The following PADI2 variants were observed in gnomAD, a reference collection of about 807,000 sequenced individuals.
The protein encoded by PADI2 is peptidyl arginine deiminase 2, also known as protein-arginine deiminase type-2.
In PADI2, 70 loss-of-function variants were observed where a neutral mutation model predicts 81.1. The ratio of observed to expected loss-of-function variants is 0.86; its 90% CI spans 0.71 to 1.05. PADI2 has a LOEUF of 1.05. Ranked by LOEUF, PADI2 falls within the 50% of genes least tolerant of loss-of-function variation. The probability of loss-of-function intolerance (pLI) is 0.00; values close to 1 mark genes in which losing one functional copy is unlikely to be tolerated. For synonymous variants in PADI2, 338 were observed against 358.0 expected (o/e 0.94, Z 0.63); for missense variants, 853 against 889.9 (o/e 0.96, Z 0.53).
intron 3 of PADI2, among the ~76,000 whole-genome samples, chr1:17,100,795 G>A (rs1268736597): frequency 1.3e-5 from 2 of 151,666 alleles, no homozygotes; most frequent in Admixed American, 1.3e-4. Flanking sequence ...CTGAGTAGCT[G>A]GGACTACAGG....
rs144200280 is a variant in PADI2, at chr1:17,104,939, G to A, written c.215C>T (p.Ser72Leu). ...GGTGACCCGCAGGGTGGTGCTGGGCGAGAGAAGCCAGCGCTGCTTGCCATT... is the reference window on the plus strand; with the variant it reads ...GGTGACCCGCAGGGTGGTGCTGGGCAAGAGAAGCCAGCGCTGCTTGCCATT... Reference protein sequence around the residue: ...ATNGKQRWLLSPSTTLRVTMS... With the variant: ...ATNGKQRWLLLPSTTLRVTMS... Residue 72 changes from serine to leucine, a missense_variant, in exon 2 of 16, where the codon TCG (serine) becomes TTG (leucine). Coordinates refer to ENST00000375486, the MANE Select transcript of PADI2 (RefSeq NM_007365.3). 2,088 of 1,606,676 alleles carry A rather than the reference G, an allele frequency of 1.3e-3. 49 individuals are homozygous for A. The East Asian group carries it at 0.04, about 31-fold the overall frequency.
At position 17,082,662 on chromosome 1, in the gene PADI2, C is replaced by A; in HGVS notation, c.1051-10G>T. 1 of 1,551,502 alleles carries A rather than the reference C, an allele frequency of 6.4e-7. No homozygotes were observed. Among genetic ancestry groups the A allele is most frequent in the Non-Finnish European group, 8.8e-7 (1 of 1,134,002 alleles). On this transcript the variant is annotated splice_polypyrimidine_tract_variant and intron_variant, in intron 9 of 15. Coordinates refer to ENST00000375486, the MANE Select transcript of PADI2 (RefSeq NM_007365.3). ...CAAACTCAATTTCATCCTGCAGGGA[C>A]ACCAAGGAGAACTGTTAGACGAATC...
rs77255866 is a variant in PADI2, at chr1:17,091,842, G to A, written c.655+566C>T. On this transcript the variant is annotated intron_variant, in intron 6 of 15. Transcript: ENST00000375486. Reference sequence around the variant, plus strand: ...GGGTGTGATTGTTGTGTTTACTGCAGAGATCTCAAAGCTGAGAACAGGGCC... The same window carrying A: ...GGGTGTGATTGTTGTGTTTACTGCAAAGATCTCAAAGCTGAGAACAGGGCC... Among the ~76,000 whole-genome samples the A allele has an allele frequency of 3.8e-3, 585 of 152,244 alleles. 6 individuals carry two copies. Among genetic ancestry groups the A allele is most frequent in the African/African-American group, 0.013 (559 of 41,544 alleles).
chr1:17,089,429 C>G (rs1353614696), intron 6 of PADI2, among the ~76,000 whole-genome samples: 1 of 152,184 alleles, frequency 6.6e-6, no homozygotes, highest in Non-Finnish European at 1.5e-5. Flanking sequence ...CCAACTTGTC[C>G]TGGCAGAAGC....
chr1:17,098,524 G>C (rs754752703), intron 3 of PADI2, among the ~76,000 whole-genome samples: 4 of 152,232 alleles, frequency 2.6e-5, no homozygotes, highest in Non-Finnish European at 5.9e-5. Flanking sequence ...AAAGACAGCA[G>C]TTCCTTGTCC....
Position 17,092,485 on chromosome 1 carries a change from C to G in PADI2, c.578G>C (p.Arg193Pro). 6.2e-7 allele frequency: 1 copy of G among 1,602,202 alleles called. No homozygotes were observed. The highest frequency in any genetic ancestry group is 8.5e-7 in the Non-Finnish European group (1 of 1,175,074). Residue 193 changes from arginine to proline, a missense_variant, in exon 6 of 16, where the codon CGC becomes CCC. Arg to Pro is a moderately radical substitution (Grantham distance 103). Transcript: ENST00000375486. ...QMILRTKGPD[R>P]LPAGYEIVLY... ...AACTATCTCGTATCCGGCGGGGAGG[C>G]GGTCGGGGCCTTTGGTCCGCAGGAT...
intron 1 of PADI2, among the ~76,000 whole-genome samples, chr1:17,109,864 T>G (rs1290468291): frequency 1.3e-5 from 2 of 152,214 alleles, no homozygotes; most frequent in African/African-American, 2.4e-5. Flanking sequence ...AAAAATGTTT[T>G]ACAAGATGAT....
At position 17,119,268 on chromosome 1, in the gene PADI2, G is replaced by A. The variant is rs1232385427; in HGVS notation, c.92+12C>T. 2.0e-6 allele frequency: 3 copies of A among 1,513,536 alleles called. No individual in the cohort carries two copies. The highest frequency in any genetic ancestry group is 5.5e-5 in the East Asian group (2 of 36,558). 93.8% of individuals were successfully genotyped at this position (1,513,536 alleles called of 1,614,324 possible). A position where few individuals can be genotyped will look rare whatever the true frequency, so the allele number is the denominator to read the frequency against. On this transcript the variant is annotated intron_variant, in intron 1 of 15. Coordinates refer to ENST00000375486, the MANE Select transcript of PADI2 (RefSeq NM_007365.3). This position sits in a 1 kb window ranked among gnomAD's most constrained non-coding sequence, Gnocchi z 4.8. ...GAGATCTCGGCCCGGGCATCACGGT[G>A]GGCCGGCTCACCTGTAGACATCGGT...
intron 4 of PADI2, among the ~76,000 whole-genome samples, chr1:17,095,406 T>A (rs1230024061): frequency 2.0e-5 from 3 of 151,786 alleles, no homozygotes; most frequent in African/African-American, 7.3e-5. Flanking sequence ...GAATGCAAGA[T>A]AAAAGAAAAT....
rs578220965 is a variant in PADI2 at position 17,067,154 on chromosome 1, GAC to G, written c.*1888_*1889del. On this transcript the variant is annotated 3_prime_UTR_variant, in exon 16 of 16. Transcript: ENST00000375486. ...GGAAAGCCTTAGAAAAATCTATAAA[GAC>G]ACACTGTCTGCACATGGGAGGCGCT... 1.8e-3 allele frequency: 246 copies of G among 137,248 alleles called. 1 individual carries two copies. Among genetic ancestry groups the G allele is most frequent in the African/African-American group, 6.4e-3 (236 of 36,596 alleles). The allele number at this position is 137,248 out of a possible 1,614,324, so 8.5% of individuals were successfully genotyped here. A position where few individuals can be genotyped will look rare whatever the true frequency, so the allele number is the denominator to read the frequency against.
chr1:17,111,813 G>A (rs1318054816), intron 1 of PADI2, among the ~76,000 whole-genome samples: 1 of 152,212 alleles, frequency 6.6e-6, no homozygotes, highest in African/African-American at 2.4e-5. Context: ...AGGAGAGGAA[G>A]AGGAGCAGAG....
At chr1:17,073,788 G>A (rs899649324) in intron 13 of PADI2, among the ~76,000 whole-genome samples, 4 of 152,120 alleles carry the variant, frequency 2.6e-5, no homozygotes, top group Non-Finnish European at 4.4e-5. Flanking sequence ...AGAAGTATGA[G>A]GAATTGGCAT....
At chr1:17,084,900 T>C (rs1021526454) in intron 7 of PADI2, among the ~76,000 whole-genome samples, 198 bp from the exon 8 acceptor site, 16 of 152,390 alleles carry the variant, frequency 1.0e-4, no homozygotes, top group African/African-American at 3.6e-4. Flanking sequence ...GATACTGCTA[T>C]GATCCTCACT....
chr1:17,092,477 C>T lies in PADI2; in HGVS notation c.586G>A (p.Ala196Thr), dbSNP rs779802406. The change falls in exon 6 of 16, where the codon GCC becomes ACC. Residue 196 changes from alanine (A) to threonine (T), a missense_variant. Transcript: ENST00000375486. Reference sequence around the variant, plus strand: ...ATGTACAGAACTATCTCGTATCCGGCGGGGAGGCGGTCGGGGCCTTTGGTC... The same window carrying T: ...ATGTACAGAACTATCTCGTATCCGGTGGGGAGGCGGTCGGGGCCTTTGGTC... ...LRTKGPDRLP[A>T]GYEIVLYISM... is the part of the protein sequence containing the mutation. 1.6e-5 allele frequency: 25 copies of T among 1,602,168 alleles called. No homozygotes were observed. Among genetic ancestry groups the T allele is most frequent in the Non-Finnish European group, 1.7e-5 (20 of 1,175,192 alleles).
intron 7 of PADI2, 122 bp downstream of exon 7, chr1:17,086,399 C>G (rs954333901): frequency 7.6e-6 from 6 of 789,210 alleles, no homozygotes; most frequent in Non-Finnish European, 7.8e-6. Flanking sequence ...GGTCTCCTAG[C>G]CTGGACCCAC....
At chr1:17,106,813 A>AG (rs3830849) in intron 1 of PADI2, among the ~76,000 whole-genome samples, 106,566 of 151,600 alleles carry the variant, frequency 0.7, 38,394 homozygotes, top group East Asian at 0.93. Context: ...CAAGAGAGGG[A>AG]GGGATAGGTA....
Position 17,107,147 on chromosome 1 carries a change from C to T in PADI2, c.93-2086G>A, listed in dbSNP as rs531730547. ...CTCAGAGGGACTTAGGTGGGATTCT[C>T]GTGGGATTTGTGACTAAGACATAGG... is the stretch of plus-strand genomic sequence containing the variant. On this transcript the variant is annotated intron_variant, in intron 1 of 15. Transcript: ENST00000375486. Among the ~76,000 whole-genome samples the T allele has an allele frequency of 7.4e-4, 112 of 152,252 alleles. 1 individual carries two copies. Among genetic ancestry groups the T allele is most frequent in the African/African-American group, 2.4e-4 (10 of 41,536 alleles).
chr1:17,092,697 C>A (rs1930745722), intron 5 of PADI2, among the ~76,000 whole-genome samples, 164 bp from the exon 6 acceptor site: 1 of 151,388 alleles, frequency 6.6e-6, no homozygotes, highest in Admixed American at 6.6e-5. Flanking sequence ...ACCTGTAATC[C>A]CAGTGCTTTG....
chr1:17,099,764 G>A lies in PADI2; in HGVS notation c.349+3223C>T, dbSNP rs763374799. 7.9e-5 allele frequency among the ~76,000 whole-genome samples: 12 copies of A among 152,186 alleles called. No individual in the cohort carries two copies. In the South Asian group the frequency reaches 1.2e-3, roughly 16 times the overall value. On this transcript the variant is annotated intron_variant, in intron 3 of 15. Transcript: ENST00000375486. The stretch of plus-strand genomic sequence containing the variant: ...ATTGACTAAGCACCCACTCTGTGCC[G>A]GGCCCTTCGCACACAACATCCCACT...
Sources: gnomAD v4.1 joint callset for allele counts (sites outside exome capture counted in the v4.1 genomes callset) on GRCh38, gnomAD v4.1.1 for gene constraint, Gnocchi (gnomAD v3.1) non-coding constraint, MANE v1.5 for transcripts, NCBI Gene and HGNC (gene_info 2026-07-23, HGNC 2026-07-21) for gene names.